Variants in DSCAM observed in about 807,000 individuals in gnomAD.
DSCAM encodes cell adhesion molecule DSCAM.
Under a neutral mutation model 217.7 loss-of-function variants are expected in DSCAM, and 47 were observed. That is an observed-to-expected ratio of 0.22 (90% confidence interval 0.17 to 0.28). The LOEUF (loss-of-function observed/expected upper bound fraction) is 0.28. Ranked by LOEUF, DSCAM falls within the 10% of genes least tolerant of loss-of-function variation. The pLI is 1.00. For synonymous variants in DSCAM, 1,056 were observed against 1,015.3 expected (o/e 1.04, Z -0.76); for missense variants, 2,080 against 2,618.3 (o/e 0.79, Z 4.49).
intron 3 of DSCAM, among the ~76,000 whole-genome samples, chr21:40,441,418 G>C (rs967579498): frequency 6.6e-6 from 1 of 152,104 alleles, no homozygotes; most frequent in Non-Finnish European, 1.5e-5. Context: ...TTGTGACTTA[G>C]TTATCCAAGA....
intron 21 of DSCAM, among the ~76,000 whole-genome samples, chr21:40,090,785 C>A (rs1019790457): frequency 2.0e-5 from 3 of 152,236 alleles, no homozygotes; most frequent in Non-Finnish European, 4.4e-5. Context: ...CCAGATGTCT[C>A]TTGAGAGCCA....
At position 40,211,485 on chromosome 21, in the gene DSCAM, A is replaced by G. The variant is rs765518912; in HGVS notation, c.2357-22247T>C. 5.9e-5 allele frequency among the ~76,000 whole-genome samples: 9 copies of G among 152,246 alleles called. No individual in the cohort carries two copies. The South Asian group carries it at 1.4e-3, about 24-fold the overall frequency. The stretch of plus-strand genomic sequence containing the variant: ...AAGAGTTTTCCAGAATGTCTGCACC[A>G]TATTACATACCCACCAGCAATGCAT... On this transcript the variant is annotated intron_variant, in intron 11 of 32. Coordinates refer to ENST00000400454, the MANE Select transcript of DSCAM (RefSeq NM_001389.5).
chr21:40,305,852 G>C (rs2074068042), intron 9 of DSCAM, among the ~76,000 whole-genome samples: 1 of 152,160 alleles, frequency 6.6e-6, no homozygotes, highest in African/African-American at 2.4e-5. Context: ...TAGCCTTGTA[G>C]TATAGTTTGA....
At chr21:40,552,501 T>G (rs1363882555) in intron 3 of DSCAM, among the ~76,000 whole-genome samples, 1 of 152,218 alleles carries the variant, frequency 6.6e-6, no homozygotes, top group South Asian at 2.1e-4. Flanking sequence ...CTCCCATTGC[T>G]GCAGTGTGGG....
intron 3 of DSCAM, among the ~76,000 whole-genome samples, chr21:40,598,497 GTTTTTTT>G (rs71186947): frequency 3.0e-5 from 2 of 66,790 alleles, no homozygotes; most frequent in Non-Finnish European, 5.1e-5. Context: ...CTGCCAAACT[GTTTTTTT>G]TTTTTTTTTT....
intron 3 of DSCAM, among the ~76,000 whole-genome samples, chr21:40,515,935 T>C (rs553946277): frequency 6.6e-6 from 1 of 152,226 alleles, no homozygotes; most frequent in East Asian, 1.9e-4. Context: ...TACAAAACTT[T>C]CTTTTTTTTT....
chr21:40,373,067 C>T lies in DSCAM; in HGVS notation c.509-3822G>A, dbSNP rs374855049. ...CCACGTTCTTCCCATTGTCACGGAG[C>T]TGAGCCGCAAAAAACACTCATAGAG... is the stretch of plus-strand genomic sequence containing the variant. On this transcript the variant is annotated intron_variant, in intron 3 of 32. Coordinates refer to ENST00000400454, the MANE Select transcript of DSCAM (RefSeq NM_001389.5). Among the ~76,000 whole-genome samples the T allele has an allele frequency of 2.0e-5, 3 of 152,154 alleles. No homozygotes were observed. In the East Asian group the frequency reaches 5.8e-4, roughly 29 times the overall value.
intron 1 of DSCAM, among the ~76,000 whole-genome samples, chr21:40,775,653 C>T (rs1444310134): frequency 6.6e-6 from 1 of 152,178 alleles, no homozygotes; most frequent in Non-Finnish European, 1.5e-5. Context: ...GTTCGCCAAC[C>T]TTTGGACTCT....
chr21:40,270,422 G>C (rs2073600004), intron 11 of DSCAM, among the ~76,000 whole-genome samples: 1 of 152,206 alleles, frequency 6.6e-6, no homozygotes, highest in Admixed American at 6.5e-5. Flanking sequence ...CATATGTGCA[G>C]GATAAATTGT....
intron 3 of DSCAM, among the ~76,000 whole-genome samples, chr21:40,399,426 T>C (rs1183081008): frequency 3.3e-5 from 5 of 152,360 alleles, no homozygotes; most frequent in South Asian, 4.1e-4. Flanking sequence ...TAAATATCTT[T>C]AGAGTTCTTT....
At chr21:40,379,805 A>C (rs1360320737) in intron 3 of DSCAM, among the ~76,000 whole-genome samples, 1 of 152,234 alleles carries the variant, frequency 6.6e-6, no homozygotes, top group Admixed American at 6.5e-5. Context: ...GGATCAGTAA[A>C]ATAAGGGATC....
intron 3 of DSCAM, among the ~76,000 whole-genome samples, chr21:40,504,167 A>C (rs2076192283): frequency 6.6e-6 from 1 of 152,210 alleles, no homozygotes; most frequent in African/African-American, 2.4e-5. Flanking sequence ...AGAGAAGAGA[A>C]GAGGAAAGAA....
Position 40,265,689 on chromosome 21 carries a change from A to G in DSCAM, c.2356+10408T>C, listed in dbSNP as rs139789365. Among the ~76,000 whole-genome samples the G allele has an allele frequency of 1.0e-3, 155 of 152,324 alleles. 2 individuals carry two copies. Among genetic ancestry groups the G allele is most frequent in the African/African-American group, 3.5e-3 (146 of 41,570 alleles). ...GATGGAGAACTCAGAAATAAAGCCA[A>G]ATACTTACAACTGACTGATCTTTGA... On this transcript the variant is annotated intron_variant, in intron 11 of 32. Coordinates refer to ENST00000400454, the MANE Select transcript of DSCAM (RefSeq NM_001389.5).
At chr21:40,256,920 A>G (rs2073380286) in intron 11 of DSCAM, among the ~76,000 whole-genome samples, 1 of 151,158 alleles carries the variant, frequency 6.6e-6, no homozygotes, top group African/African-American at 2.5e-5. Flanking sequence ...CACTTCACAT[A>G]ATATCACTAC....
chr21:40,312,427 A>G (rs879865914), intron 8 of DSCAM, 68 bp from the exon 9 acceptor site: 11 of 1,546,328 alleles, frequency 7.1e-6, no homozygotes, highest in South Asian at 1.2e-5. Context: ...TTAACCCTGT[A>G]TACGGCACTG....
intron 3 of DSCAM, among the ~76,000 whole-genome samples, chr21:40,406,214 A>G (rs564061440): frequency 7.2e-5 from 11 of 152,342 alleles, no homozygotes; most frequent in African/African-American, 2.4e-4. Flanking sequence ...AACATAAGCT[A>G]GGACAGTCAC....
intron 11 of DSCAM, among the ~76,000 whole-genome samples, chr21:40,259,661 CT>C (rs542106779): frequency 1.3e-3 from 76 of 59,508 alleles, no homozygotes; most frequent in African/African-American, 2.8e-3. Context: ...GTCAGCCATT[CT>C]TTTTTTTTTT....
At chr21:40,290,446 C>A (rs143552294) in intron 10 of DSCAM, among the ~76,000 whole-genome samples, 1 of 152,162 alleles carries the variant, frequency 6.6e-6, no homozygotes, top group East Asian at 1.9e-4. Flanking sequence ...TATGGTGAAA[C>A]CCCATCTCTA....
At chr21:40,513,809 C>T (rs2076278768) in intron 3 of DSCAM, among the ~76,000 whole-genome samples, 1 of 151,676 alleles carries the variant, frequency 6.6e-6, no homozygotes, top group Non-Finnish European at 1.5e-5. Context: ...AGAATAAAAG[C>T]AAAATAACAT....
Sources: gnomAD v4.1 joint callset for allele counts (sites outside exome capture counted in the v4.1 genomes callset) on GRCh38, gnomAD v4.1.1 for gene constraint, MANE v1.5 for transcripts, NCBI Gene and HGNC (gene_info 2026-07-23, HGNC 2026-07-21) for gene names.